Variants in NEDD9 observed in about 807,000 individuals in gnomAD.
The protein encoded by NEDD9 is enhancer of filamentation 1.
In NEDD9, 26 loss-of-function variants were observed where a neutral mutation model predicts 76.6. The ratio of observed to expected loss-of-function variants is 0.34; its 90% CI spans 0.25 to 0.47. NEDD9 has a LOEUF of 0.47. Among genes scored for constraint, NEDD9 ranks in the 20% least tolerant of loss-of-function variants. The pLI is 1.00. For synonymous variants in NEDD9, 392 were observed against 414.2 expected (o/e 0.95, Z 0.65); for missense variants, 937 against 1,058.5 (o/e 0.89, Z 1.59).
chr6:11,203,773 C>G (rs1478785509), intron 2 of NEDD9, among the ~76,000 whole-genome samples: 1 of 152,120 alleles, frequency 6.6e-6, no homozygotes, highest in African/African-American at 2.4e-5. Flanking sequence ...AACACTGATT[C>G]TCACTGGCTC....
chr6:11,363,056 G>GA (rs112340377), intron 1 of NEDD9, among the ~76,000 whole-genome samples: 17 of 149,044 alleles, frequency 1.1e-4, no homozygotes, highest in South Asian at 8.5e-4. Flanking sequence ...ATCCGTCTTT[G>GA]AAAAAAAAAA....
intron 3 of NEDD9, among the ~76,000 whole-genome samples, chr6:11,286,895 T>C (rs1005289232): frequency 9.2e-5 from 14 of 152,162 alleles, no homozygotes; most frequent in African/African-American, 3.1e-4. Flanking sequence ...GTTTGTTATC[T>C]TGGTTTTGGC....
Position 11,300,416 on chromosome 6 carries a change from G to A in NEDD9, c.12+5576C>T, listed in dbSNP as rs147030539. ...TGTACCTGAAAGTGACGGGAAGAAT[G>A]GAATCAAGTTGGAAAACACTCTTCA... On this transcript the variant is annotated intron_variant, in intron 3 of 3. Transcript: ENST00000397378. Among the ~76,000 whole-genome samples the A allele has an allele frequency of 3.8e-3, 577 of 152,270 alleles. 6 individuals are homozygous for A. The highest frequency in any genetic ancestry group is 0.011 in the African/African-American group (455 of 41,550).
Position 11,190,132 on chromosome 6 carries a change from G to A in NEDD9, c.1737C>T (p.Tyr579=). 1 of 1,613,708 alleles carries A rather than the reference G, an allele frequency of 6.2e-7. No individual in the cohort carries two copies. Among genetic ancestry groups the A allele is most frequent in the Non-Finnish European group, 8.5e-7 (1 of 1,179,710 alleles). ...GPESIMNSTE[Y]PHGGSQGQLL... is the part of the protein sequence containing the mutation. ...GCTGTCCCTGGGAGCCACCGTGTGGGTACTCCGTTGAGTTCATGATGCTCT... is the reference window on the plus strand; with the variant it reads ...GCTGTCCCTGGGAGCCACCGTGTGGATACTCCGTTGAGTTCATGATGCTCT... Residue 579 remains tyrosine, a synonymous_variant, in exon 5 of 7, where the codon TAC becomes TAT. Coordinates refer to ENST00000379446, the MANE Select transcript of NEDD9 (RefSeq NM_006403.4). The surrounding 1 kb of genome is among the most constrained non-coding windows in gnomAD (Gnocchi z 5.8).
At chr6:11,283,732 T>C (rs772713973) in intron 3 of NEDD9, among the ~76,000 whole-genome samples, 22 of 152,206 alleles carry the variant, frequency 1.4e-4, no homozygotes, top group Non-Finnish European at 8.8e-5. Context: ...AGGTTAATGA[T>C]TGCTTTTCCT....
At chr6:11,257,557 C>G (rs1005320709) in intron 3 of NEDD9, among the ~76,000 whole-genome samples, 1 of 152,164 alleles carries the variant, frequency 6.6e-6, no homozygotes, top group Non-Finnish European at 1.5e-5. Context: ...GTCAGTGTTC[C>G]CATTCTAGAC....
intron 1 of NEDD9, among the ~76,000 whole-genome samples, chr6:11,376,450 G>A (rs1762970146): frequency 6.6e-6 from 1 of 152,172 alleles, no homozygotes; most frequent in Non-Finnish European, 1.5e-5. Context: ...TTGGGAAATG[G>A]AATGGGGTCA....
chr6:11,356,566 C>A (rs542982916), intron 1 of NEDD9, among the ~76,000 whole-genome samples: 105 of 152,246 alleles, frequency 6.9e-4, no homozygotes, highest in Non-Finnish European at 1.2e-3. Context: ...CTGGGCACCA[C>A]CCCCAGGGTT....
At chr6:11,363,952 A>G (rs1459881632) in intron 1 of NEDD9, among the ~76,000 whole-genome samples, 1 of 152,234 alleles carries the variant, frequency 6.6e-6, no homozygotes, top group Non-Finnish European at 1.5e-5. Flanking sequence ...AAGAGTTCAC[A>G]TAGCAGGTCT....
chr6:11,373,480 T>G (rs1762916346), intron 1 of NEDD9, among the ~76,000 whole-genome samples: 2 of 152,158 alleles, frequency 1.3e-5, no homozygotes, highest in African/African-American at 4.8e-5. Flanking sequence ...CTGCAGTGCT[T>G]CTTGAAGGCA....
chr6:11,231,572 A>G (rs1759469011), intron 1 of NEDD9, among the ~76,000 whole-genome samples: 1 of 152,258 alleles, frequency 6.6e-6, no homozygotes, highest in Admixed American at 6.5e-5. Flanking sequence ...TGTTTAAAAT[A>G]GCATAAAATA....
At chr6:11,260,219 A>G (rs908991487) in intron 3 of NEDD9, among the ~76,000 whole-genome samples, 5 of 152,228 alleles carry the variant, frequency 3.3e-5, no homozygotes, top group Non-Finnish European at 1.5e-5. Context: ...TATACAGACA[A>G]AAATAAACAG....
chr6:11,240,374 C>T (rs1759688476), intron 3 of NEDD9, among the ~76,000 whole-genome samples: 1 of 152,144 alleles, frequency 6.6e-6, no homozygotes, highest in South Asian at 2.1e-4. Flanking sequence ...CCTACTGAGC[C>T]CTCTTCCTGC....
chr6:11,312,965 A>C (rs542202083), intron 2 of NEDD9, among the ~76,000 whole-genome samples: 2 of 152,310 alleles, frequency 1.3e-5, no homozygotes, highest in African/African-American at 4.8e-5. Flanking sequence ...ACAATGTCCA[A>C]AATTCTTAAG....
chr6:11,259,289 C>A (rs945712071), intron 3 of NEDD9, among the ~76,000 whole-genome samples: 2 of 152,210 alleles, frequency 1.3e-5, no homozygotes, highest in Non-Finnish European at 2.9e-5. Flanking sequence ...AGCTTAAAGA[C>A]CTTTCGCTTC....
intron 1 of NEDD9, among the ~76,000 whole-genome samples, chr6:11,217,820 T>TGAGCCCTATCTGAGG (rs1287057059): frequency 3.3e-5 from 5 of 152,226 alleles, no homozygotes; most frequent in African/African-American, 1.2e-4. Context: ...TTTAGGATCA[T>TGAGCCCTATCTGAGG]GAGCCCTATC....
chr6:11,192,637 A>G, intron 3 of NEDD9, 191 bp from the exon 4 acceptor site: 1 of 495,998 alleles, frequency 2.0e-6, no homozygotes, highest in Non-Finnish European at 3.5e-6. Context: ...CTTACATTTA[A>G]TATAAAAATG....
chr6:11,263,611 A>T (rs1363930052), intron 3 of NEDD9, among the ~76,000 whole-genome samples: 4 of 152,100 alleles, frequency 2.6e-5, no homozygotes, highest in African/African-American at 9.7e-5. Flanking sequence ...GCAAGCTGTT[A>T]TTTTCGCCTT....
chr6:11,297,972 A>G (rs1760942969), intron 3 of NEDD9, among the ~76,000 whole-genome samples: 1 of 150,950 alleles, frequency 6.6e-6, no homozygotes, highest in East Asian at 1.9e-4. Flanking sequence ...CAGTGGTGCA[A>G]TCACAGCTCA....
Sources: allele counts gnomAD v4.1 joint callset (sites outside exome capture counted in the v4.1 genomes callset), GRCh38; gene constraint gnomAD v4.1.1; non-coding constraint Gnocchi (gnomAD v3.1); transcripts MANE v1.5; gene names NCBI Gene and HGNC (gene_info 2026-07-23, HGNC 2026-07-21).